Variants in PLXNC1 observed in about 807,000 individuals in gnomAD.
The protein encoded by PLXNC1 is plexin-C1.
Under a neutral mutation model 178.2 loss-of-function variants are expected in PLXNC1, and 75 were observed. That is an observed-to-expected ratio of 0.42 (90% CI 0.35 to 0.51). The LOEUF is 0.51. Ranked by LOEUF, PLXNC1 falls within the 20% of genes least tolerant of loss-of-function variation. PLXNC1 has a pLI of 0.02. For missense variants in PLXNC1, 1,503 were observed against 1,984.4 expected, an observed-to-expected ratio of 0.76 and a Z score of 4.61; for synonymous variants, 790 against 779.9, an observed-to-expected ratio of 1.01 and a Z score of -0.22.
intron 4 of PLXNC1, among the ~76,000 whole-genome samples, chr12:94,208,878 T>C (rs1245970950): frequency 6.6e-6 from 1 of 152,240 alleles, no homozygotes; most frequent in African/African-American, 2.4e-5. Context: ...CTTCTGAGCA[T>C]CTCTTTATCA....
At position 94,205,032 on chromosome 12, in the gene PLXNC1, G is replaced by T. The variant is rs559658238; in HGVS notation, c.1440-4558G>T. ...GATGCTGATGAAATTTGAGTGGCAG[G>T]AAGTAGAAGTTACATTTCTGAGTTC... On this transcript the variant is annotated intron_variant, in intron 4 of 30. Coordinates refer to ENST00000258526, the MANE Select transcript of PLXNC1 (RefSeq NM_005761.3). 2.6e-5 allele frequency among the ~76,000 whole-genome samples: 4 copies of T among 152,286 alleles called. No homozygotes were observed. The South Asian group carries it at 8.3e-4, about 32-fold the overall frequency.
intron 3 of PLXNC1, among the ~76,000 whole-genome samples, chr12:94,182,345 G>T (rs926651074): frequency 6.8e-6 from 1 of 148,048 alleles, no homozygotes; most frequent in Non-Finnish European, 1.5e-5. Context: ...TTGAGGCCAG[G>T]AGTTTAAGGC....
In PLXNC1 at chr12:94,298,689, A is replaced by G; in HGVS notation, c.4132A>G (p.Ser1378Gly). 6.2e-7 allele frequency: 1 copy of G among 1,612,270 alleles called. No homozygotes were observed. The highest frequency in any genetic ancestry group is 2.2e-5 in the East Asian group (1 of 44,802). The change falls in exon 27 of 31, where the codon AGC (serine) becomes GGC (glycine). Residue 1378 changes from serine to glycine, a missense_variant. Transcript: ENST00000258526. Reference sequence around the variant, plus strand: ...TAGAAGCATTTGGAGTTTACCCAACAGCAGAGCTCCATTTGCTATAAAATA... The same window carrying G: ...TAGAAGCATTTGGAGTTTACCCAACGGCAGAGCTCCATTTGCTATAAAATA... ...LFRSIWSLPNSRAPFAIKYFF... is the reference protein window; with the variant it reads ...LFRSIWSLPNGRAPFAIKYFF...
intron 4 of PLXNC1, among the ~76,000 whole-genome samples, chr12:94,201,927 C>A (rs1963140009): frequency 6.6e-6 from 1 of 151,852 alleles, no homozygotes; most frequent in Non-Finnish European, 1.5e-5. Flanking sequence ...CCACCTCGCC[C>A]AGCTAATTTT....
intron 1 of PLXNC1, among the ~76,000 whole-genome samples, chr12:94,153,842 CA>C (rs1186484956): frequency 6.6e-6 from 1 of 152,182 alleles, no homozygotes; most frequent in African/African-American, 2.4e-5. Context: ...ACATGCTGCC[CA>C]ACAGAGAGCA....
intron 15 of PLXNC1, among the ~76,000 whole-genome samples, chr12:94,253,211 GAAA>G (rs35584186): frequency 2.6e-4 from 11 of 42,016 alleles, no homozygotes; most frequent in Admixed American, 1.1e-3. Context: ...CTCCGTCTCA[GAAA>G]AAAAAAAAAA....
intron 15 of PLXNC1, among the ~76,000 whole-genome samples, chr12:94,253,211 G>GAAA (rs35584186): frequency 0.025 from 1,059 of 41,966 alleles, 249 homozygotes; most frequent in African/African-American, 0.043. Context: ...CTCCGTCTCA[G>GAAA]AAAAAAAAAA....
chr12:94,186,369 T>G lies in PLXNC1; in HGVS notation c.1339-4T>G. ...ATCTGAACCATTGTCCTCTTTCCTT[T>G]TAGGTGAGGAGAATTCGTGTTGCAA... On this transcript the variant is annotated splice_region_variant and splice_polypyrimidine_tract_variant and intron_variant, in intron 3 of 30. Transcript: ENST00000258526. 4 of 1,600,844 alleles carry G rather than the reference T, an allele frequency of 2.5e-6. No individual in the cohort carries two copies. Among genetic ancestry groups the G allele is most frequent in the Non-Finnish European group, 3.4e-6 (4 of 1,167,924 alleles).
At chr12:94,277,559 T>C (rs1185426148) in intron 21 of PLXNC1, among the ~76,000 whole-genome samples, 2 of 152,118 alleles carry the variant, frequency 1.3e-5, no homozygotes, top group East Asian at 1.9e-4. Context: ...GTTACACAGC[T>C]GGTTAGGGAT....
chr12:94,280,938 G>A lies in PLXNC1; in HGVS notation c.3775+1289G>A, dbSNP rs117754922. Among the ~76,000 whole-genome samples, 356 of 152,308 alleles carry A rather than the reference G, an allele frequency of 2.3e-3. 17 individuals carry two copies. In the East Asian group the frequency reaches 0.063, roughly 27 times the overall value. On this transcript the variant is annotated intron_variant, in intron 22 of 30. Transcript: ENST00000258526. ...AGCTATGTCAGGCTTCTGTGTGCCT[G>A]CTGATTTCCCAGACTACCTCCAGAA...
chr12:94,246,708 C>A (rs1964538638), intron 12 of PLXNC1, among the ~76,000 whole-genome samples: 1 of 152,116 alleles, frequency 6.6e-6, no homozygotes, highest in Non-Finnish European at 1.5e-5. Flanking sequence ...GTTAAGGCTG[C>A]TGAGGCAGTA....
intron 23 of PLXNC1, among the ~76,000 whole-genome samples, chr12:94,290,116 G>T (rs1967146398): frequency 6.6e-6 from 1 of 152,196 alleles, no homozygotes; most frequent in South Asian, 2.1e-4. Context: ...CAGTAGTGAA[G>T]TACTGGCTCA....
chr12:94,226,402 A>C (rs1181523525), intron 7 of PLXNC1: 6 of 504,158 alleles, frequency 1.2e-5, no homozygotes, highest in Non-Finnish European at 2.2e-5. Context: ...TTCCATGGCA[A>C]CACCCCTGCA....
chr12:94,273,338 A>G (rs1965702309), intron 21 of PLXNC1, among the ~76,000 whole-genome samples: 1 of 152,110 alleles, frequency 6.6e-6, no homozygotes, highest in African/African-American at 2.4e-5. Context: ...CTTCCACCCA[A>G]AGAAGGTGGG....
At chr12:94,304,352 G>T in intron 30 of PLXNC1, 1 of 256,574 alleles carries the variant, frequency 3.9e-6, no homozygotes, top group African/African-American at 2.2e-5. Context: ...ATTAAATGGG[G>T]TCAGCTTATG....
rs148867634 is a variant in PLXNC1 at position 94,183,126 on chromosome 12, C to A, written c.1338+1546C>A. Among the ~76,000 whole-genome samples the A allele has an allele frequency of 7.2e-5, 11 of 152,312 alleles. No individual in the cohort carries two copies. The East Asian group carries it at 1.2e-3, about 16-fold the overall frequency. Reference sequence around the variant, plus strand: ...TAATGGATGTAACAGATACTCTCAGCCCAACCCTGGTTTTCCATTCTTTTC... The same window carrying A: ...TAATGGATGTAACAGATACTCTCAGACCAACCCTGGTTTTCCATTCTTTTC... On this transcript the variant is annotated intron_variant, in intron 3 of 30. Coordinates refer to ENST00000258526, the MANE Select transcript of PLXNC1 (RefSeq NM_005761.3).
At chr12:94,189,622 G>A (rs891891581) in intron 4 of PLXNC1, among the ~76,000 whole-genome samples, 2 of 151,826 alleles carry the variant, frequency 1.3e-5, no homozygotes, top group African/African-American at 4.8e-5. Context: ...AGAAGTTGCA[G>A]TGAGCTGAGA....
intron 2 of PLXNC1, among the ~76,000 whole-genome samples, chr12:94,169,883 C>A (rs1961775485): frequency 6.6e-6 from 1 of 152,128 alleles, no homozygotes; most frequent in Admixed American, 6.5e-5. Context: ...TGTGGACACA[C>A]CCCGGTCAAG....
chr12:94,174,227 C>T (rs367577379), intron 2 of PLXNC1, among the ~76,000 whole-genome samples: 7 of 151,964 alleles, frequency 4.6e-5, no homozygotes, highest in African/African-American at 1.7e-4. Flanking sequence ...CTCTGTTGCC[C>T]AGGCTGGAGT....
Sources: allele counts gnomAD v4.1 joint callset (sites outside exome capture counted in the v4.1 genomes callset), GRCh38; gene constraint gnomAD v4.1.1; transcripts MANE v1.5; gene names NCBI Gene and HGNC (gene_info 2026-07-23, HGNC 2026-07-21).